Variants in BCL7C observed in about 807,000 individuals in gnomAD.
The protein encoded by BCL7C is BAF chromatin remodeling complex subunit BCL7C, also known as B-cell CLL/lymphoma 7 protein family member C.
In BCL7C, 8 loss-of-function variants were observed where a neutral mutation model predicts 26.2. The observed-to-expected ratio is 0.30, with a 90% confidence interval of 0.18 to 0.55. BCL7C has a LOEUF of 0.55. Among genes scored for constraint, BCL7C ranks in the 20% least tolerant of loss-of-function variants. The probability of loss-of-function intolerance (pLI) is 0.93; values close to 1 mark genes in which losing one functional copy is unlikely to be tolerated. For synonymous variants in BCL7C, 90 were observed against 116.5 expected (o/e 0.77, Z 1.47); for missense variants, 262 against 298.5 (o/e 0.88, Z 0.90).
rs942824523 is a variant in BCL7C, at chr16:30,839,516, G to A, written c.529-4368C>T. ...ACCGAGATTATCACCTAGTCAGGTA[G>A]CCATTTAAAAGCAAGCTCTTCTCTG... On this transcript the variant is annotated intron_variant, in intron 5 of 5. Coordinates refer to the BCL7C transcript ENST00000380317. Among the ~76,000 whole-genome samples the A allele has an allele frequency of 4.6e-5, 7 of 152,198 alleles. No homozygotes were observed. In the South Asian group the frequency reaches 1.0e-3, roughly 23 times the overall value.
chr16:30,857,972 CAAAAAA>C (rs58563705), intron 5 of BCL7C, among the ~76,000 whole-genome samples: 3 of 116,008 alleles, frequency 2.6e-5, no homozygotes, highest in Non-Finnish European at 1.8e-5. Flanking sequence ...ACTCCAACTC[CAAAAAA>C]AAAAAAAAAA....
chr16:30,893,860 G>T lies in BCL7C; in HGVS notation c.85C>A (p.Arg29=), dbSNP rs1322919581. The T allele has an allele frequency of 6.2e-7, 1 of 1,601,950 alleles. No homozygotes were observed. Among genetic ancestry groups the T allele is most frequent in the South Asian group, 1.1e-5 (1 of 90,982 alleles). ...CCCCCGAGCAGCGCTCACCATCTCCGGACCTTCTCGATGGTCGCCATCACC... is the reference window on the plus strand; with the variant it reads ...CCCCCGAGCAGCGCTCACCATCTCCTGACCTTCTCGATGGTCGCCATCACC... The part of the protein sequence containing the change: ...KKVMATIEKV[R]RWEKRWVTVG... The change falls in exon 1 of 6, where the codon CGG becomes AGG. Residue 29 remains arginine (R), a synonymous_variant. Coordinates refer to ENST00000215115, the MANE Select transcript of BCL7C (RefSeq NM_004765.4). The surrounding 1 kb of genome is among the most constrained non-coding windows in gnomAD (Gnocchi z 5.2).
At chr16:30,881,392 T>TCA (rs72155482) in intron 5 of BCL7C, among the ~76,000 whole-genome samples, 6,465 of 144,142 alleles carry the variant, frequency 0.045, 151 homozygotes, top group African/African-American at 0.064. Context: ...TGAGACTCCG[T>TCA]CACACACACA....
intron 5 of BCL7C, among the ~76,000 whole-genome samples, chr16:30,863,860 C>A (rs1397802068): frequency 6.6e-6 from 1 of 152,164 alleles, no homozygotes; most frequent in Non-Finnish European, 1.5e-5. Flanking sequence ...AAAATCTATC[C>A]CCAATCCGCC....
At chr16:30,891,588 A>G (rs1319606189) in intron 4 of BCL7C, among the ~76,000 whole-genome samples, 1 of 152,184 alleles carries the variant, frequency 6.6e-6, no homozygotes, top group Non-Finnish European at 1.5e-5. Flanking sequence ...CCCTATGACT[A>G]TCACTATTAT....
intron 5 of BCL7C, among the ~76,000 whole-genome samples, chr16:30,858,251 T>A (rs2054741275): frequency 6.6e-6 from 1 of 152,148 alleles, no homozygotes; most frequent in Non-Finnish European, 1.5e-5. Flanking sequence ...CTCATTCCTT[T>A]CCAGACCTAA....
In BCL7C at chr16:30,892,816, C is replaced by G. The variant is rs370863184; in HGVS notation, c.280+24G>C. The G allele has an allele frequency of 9.5e-4, 1,530 of 1,613,840 alleles. 23 individuals are homozygous for G. In the South Asian group the frequency reaches 0.016, roughly 17 times the overall value. On this transcript the variant is annotated intron_variant, in intron 3 of 5. Coordinates refer to ENST00000215115, the MANE Select transcript of BCL7C (RefSeq NM_004765.4). Reference sequence around the variant, plus strand: ...ACACTCCTTCAGTCCCCACAGCCCCCCGCGTTTCAGGATCCCTACCTACCA... The same window carrying G: ...ACACTCCTTCAGTCCCCACAGCCCCGCGCGTTTCAGGATCCCTACCTACCA...
At chr16:30,861,261 T>C (rs2054769514) in intron 5 of BCL7C, among the ~76,000 whole-genome samples, 1 of 152,236 alleles carries the variant, frequency 6.6e-6, no homozygotes, top group African/African-American at 2.4e-5. Flanking sequence ...CTTCAAGGTA[T>C]ACAATAATAG....
At chr16:30,870,047 T>C (rs1372667932) in intron 5 of BCL7C, among the ~76,000 whole-genome samples, 1 of 152,216 alleles carries the variant, frequency 6.6e-6, no homozygotes, top group African/African-American at 2.4e-5. Flanking sequence ...TCTATATATC[T>C]CACCTGTATC....
At chr16:30,843,016 C>T (rs2054612036) in intron 5 of BCL7C, among the ~76,000 whole-genome samples, 1 of 152,230 alleles carries the variant, frequency 6.6e-6, no homozygotes, top group Admixed American at 6.5e-5. Context: ...GCTCAAACTT[C>T]CTTGTCACCA....
intron 5 of BCL7C, among the ~76,000 whole-genome samples, chr16:30,845,164 C>G (rs1426864784): frequency 6.6e-6 from 1 of 152,196 alleles, no homozygotes; most frequent in Non-Finnish European, 1.5e-5. Flanking sequence ...GCACACCCAC[C>G]ACTGGTCCTG....
Position 30,892,501 on chromosome 16 carries a change from G to A in BCL7C, c.442+85C>T, listed in dbSNP as rs570497811. On this transcript the variant is annotated intron_variant, in intron 4 of 5. Coordinates refer to ENST00000215115, the MANE Select transcript of BCL7C (RefSeq NM_004765.4). ...TTGAGGAGGGTGCACAAGACGGGGA[G>A]CAGGTATAGGGATGAGCTGGTAGGT... 19 of 1,387,194 alleles carry A rather than the reference G, an allele frequency of 1.4e-5. No homozygotes were observed. In the African/African-American group the frequency reaches 2.0e-4, roughly 15 times the overall value. 85.9% of individuals were successfully genotyped at this position (1,387,194 alleles called of 1,614,324 possible).
chr16:30,863,981 C>A (rs1257684555), intron 5 of BCL7C, among the ~76,000 whole-genome samples: 1 of 152,140 alleles, frequency 6.6e-6, no homozygotes, highest in Non-Finnish European at 1.5e-5. Context: ...CTCTTATTCT[C>A]GTTCCCATTC....
At chr16:30,879,690 A>AAAAAAAAAAACAAAAAAAAAAAAAAC (rs2055010022) in intron 5 of BCL7C, among the ~76,000 whole-genome samples, 1 of 91,934 alleles carries the variant, frequency 1.1e-5, no homozygotes, top group African/African-American at 3.7e-5. Context: ...CCTTCTCTAC[A>AAAAAAAAAAACAAAAAAAAAAAAAAC]AAAAAAAAAA....
chr16:30,887,838 G>A lies in BCL7C; in HGVS notation c.*27C>T. The A allele has an allele frequency of 6.5e-7, 1 of 1,540,806 alleles. No individual in the cohort carries two copies. The highest frequency in any genetic ancestry group is 8.7e-7 in the Non-Finnish European group (1 of 1,150,884). The stretch of plus-strand genomic sequence containing the variant: ...TTGTAAAAAGCCAAAGGGGCCCCTG[G>A]GGCAACAGGACAGGCAGGCCGGCTT... On this transcript the variant is annotated 3_prime_UTR_variant, in exon 6 of 6. Transcript: ENST00000215115.
rs62058577 is a variant in BCL7C at position 30,870,538 on chromosome 16, G to A, written c.528+18322C>T. On this transcript the variant is annotated intron_variant, in intron 5 of 5. Coordinates refer to the BCL7C transcript ENST00000380317. ...AAAATTAGCCGGGTGGGCTGGGTGC[G>A]GTGGCTCACGCCTGTAATCCCAGCT... Among the ~76,000 whole-genome samples, 32 of 151,808 alleles carry A rather than the reference G, an allele frequency of 2.1e-4. 1 individual carries two copies. The highest frequency in any genetic ancestry group is 7.4e-5 in the Non-Finnish European group (5 of 67,966).
At chr16:30,892,813 C>T (rs745418476) in intron 3 of BCL7C, 27 bp downstream of exon 3, 1 of 1,613,824 alleles carries the variant, frequency 6.2e-7, no homozygotes. Context: ...TCCCCACAGC[C>T]CCCCGCGTTT....
chr16:30,843,078 C>T (rs1653551043), intron 5 of BCL7C, among the ~76,000 whole-genome samples: 2 of 152,224 alleles, frequency 1.3e-5, no homozygotes, highest in Non-Finnish European at 2.9e-5. Flanking sequence ...GAGCAACTGC[C>T]CATGCGTTAG....
At position 30,849,848 on chromosome 16, in the gene BCL7C, C is replaced by G. The variant is rs552847044; in HGVS notation, c.529-14700G>C. ...CAGCTCACTGCAGCCTCCACCATGC[C>G]TAGCTAACTTTTGTATTTTTTATTG... is the stretch of plus-strand genomic sequence containing the variant. On this transcript the variant is annotated intron_variant, in intron 5 of 5. Coordinates refer to the BCL7C transcript ENST00000380317. Among the ~76,000 whole-genome samples the G allele has an allele frequency of 6.6e-5, 10 of 151,520 alleles. No individual in the cohort carries two copies. The South Asian group carries it at 1.7e-3, about 25-fold the overall frequency.
Sources: gnomAD v4.1 joint callset for allele counts (sites outside exome capture counted in the v4.1 genomes callset) on GRCh38, gnomAD v4.1.1 for gene constraint, Gnocchi (gnomAD v3.1) non-coding constraint, MANE v1.5 for transcripts, NCBI Gene and HGNC (gene_info 2026-07-23, HGNC 2026-07-21) for gene names.